The following ZNF358 variants were observed in gnomAD, a reference collection of about 807,000 sequenced individuals.
ZNF358 encodes the protein zinc finger protein 358.
ZNF358 carries 1 observed loss-of-function variant against 2.1 expected under a neutral mutation model. The ratio of observed to expected loss-of-function variants is 0.49; its 90% CI spans 0.17 to 2.30. ZNF358 has a LOEUF of 2.30. Ranked by LOEUF, ZNF358 falls within the 30% of genes most tolerant of loss-of-function variation. ZNF358 has a pLI of 0.26. For missense variants in ZNF358, 665 were observed against 806.8 expected (o/e 0.82, Z 2.13); for synonymous variants, 381 against 359.7 (o/e 1.06, Z -0.67).
intron 1 of ZNF358, among the ~76,000 whole-genome samples, chr19:7,518,079 C>T (rs2022370018): frequency 6.6e-6 from 1 of 152,196 alleles, no homozygotes; most frequent in Non-Finnish European, 1.5e-5. Context: ...CTGTCTCCTC[C>T]ACAGGACCCC....
At position 7,519,595 on chromosome 19, in the gene ZNF358, C is replaced by T. The variant is rs368724368; in HGVS notation, c.353C>T (p.Pro118Leu). The T allele has an allele frequency of 3.1e-5, 50 of 1,599,436 alleles. No individual in the cohort carries two copies. The highest frequency in any genetic ancestry group is 4.1e-5 in the Non-Finnish European group (48 of 1,179,764). ...PNSDTLSPGD[P>L]KVDPISSGLT... ...AGCGACACCCTCAGCCCCGGCGATCCAAAAGTGGACCCCATCTCCTCTGGC... is the reference window on the plus strand; with the variant it reads ...AGCGACACCCTCAGCCCCGGCGATCTAAAAGTGGACCCCATCTCCTCTGGC... The change falls in exon 2 of 2, where the codon CCA (proline) becomes CTA (leucine). Residue 118 changes from proline to leucine, a missense_variant. By Grantham distance (98) the Pro-to-Leu change is moderately conservative. Coordinates refer to ENST00000597229, the MANE Select transcript of ZNF358 (RefSeq NM_018083.5).
At chr19:7,514,815 T>C (rs2022314222), upstream of ZNF358, among the ~76,000 whole-genome samples, 1 of 152,174 alleles carries the variant, frequency 6.6e-6, no homozygotes, top group African/African-American at 2.4e-5. Flanking sequence ...GTATTTTTAG[T>C]AGAGACAGGA....
Position 7,520,063 on chromosome 19 carries a change from A to T in ZNF358, c.821A>T (p.Gln274Leu). The T allele has an allele frequency of 6.4e-7, 1 of 1,572,274 alleles. No homozygotes were observed. Among genetic ancestry groups the T allele is most frequent in the Non-Finnish European group, 8.6e-7 (1 of 1,166,908 alleles). ...CCGGTGTGCGCCAAGGGCTTCGGCC[A>T]GGGCTCTGCGCTGCTCAAACACCTG... ...KCPVCAKGFG[Q>L]GSALLKHLRT... Residue 274 changes from glutamine to leucine, a missense_variant, in exon 2 of 2, where the codon CAG becomes CTG. Around this residue, in one of 3 missense-constraint regions of ZNF358, gnomAD observed 210 missense variants for 350.8 expected, o/e 0.60. Transcript: ENST00000597229. The surrounding 1 kb of genome is among the most constrained non-coding windows in gnomAD (Gnocchi z 6.0).
Position 7,519,487 on chromosome 19 carries a change from C to T in ZNF358, c.245C>T (p.Pro82Leu), listed in dbSNP as rs745892308. ...DPDAEAPGSE[P>L]QDPDPMSSSF... ...GACGCCGAAGCTCCGGGCTCGGAAC[C>T]CCAAGATCCCGACCCCATGTCTTCG... The change falls in exon 2 of 2, where the codon CCC (proline) becomes CTC (leucine). Residue 82 changes from proline (P) to leucine (L), a missense_variant. Pro to Leu is a moderately conservative substitution (Grantham distance 98). Transcript: ENST00000597229. The T allele has an allele frequency of 1.9e-6, 3 of 1,613,416 alleles. No homozygotes were observed. Among genetic ancestry groups the T allele is most frequent in the African/African-American group, 1.3e-5 (1 of 74,954 alleles).
At position 7,519,410 on chromosome 19, in the gene ZNF358, C is replaced by T. The variant is rs2146012769; in HGVS notation, c.168C>T (p.Asp56=). Residue 56 remains aspartate (D), a synonymous_variant, in exon 2 of 2, where the codon GAC becomes GAT. Coordinates refer to ENST00000597229, the MANE Select transcript of ZNF358 (RefSeq NM_018083.5). The part of the protein sequence containing the change: ...DPEDLNTVPE[D]VDPSYEDLEP... The stretch of plus-strand genomic sequence containing the variant: ...AAGACCTCAACACTGTCCCGGAAGA[C>T]GTGGACCCCAGCTATGAAGATCTGG... 2 of 1,614,100 alleles carry T rather than the reference C, an allele frequency of 1.2e-6. No homozygotes were observed. Among genetic ancestry groups the T allele is most frequent in the Non-Finnish European group, 1.7e-6 (2 of 1,180,020 alleles).
At position 7,520,153 on chromosome 19, in the gene ZNF358, C is replaced by T; in HGVS notation, c.911C>T (p.Ser304Leu). The change falls in exon 2 of 2, where the codon TCG (serine) becomes TTG (leucine). Residue 304 changes from serine to leucine, a missense_variant. Ser to Leu is a moderately radical substitution (Grantham distance 145). Transcript: ENST00000597229. This position sits in a 1 kb window ranked among gnomAD's most constrained non-coding sequence, Gnocchi z 6.0. ...TGCGGCAAGGCCTTCGGGCAGAGCTCGGCGCTGCTGCAGCACCAGCGCACA... is the reference window on the plus strand; with the variant it reads ...TGCGGCAAGGCCTTCGGGCAGAGCTTGGCGCTGCTGCAGCACCAGCGCACA... ...PQCGKAFGQS[S>L]ALLQHQRTHT... The T allele has an allele frequency of 1.3e-6, 2 of 1,600,000 alleles. No homozygotes were observed. The highest frequency in any genetic ancestry group is 1.7e-6 in the Non-Finnish European group (2 of 1,178,560).
Position 7,519,449 on chromosome 19 carries a change from G to T in ZNF358, c.207G>T (p.Glu69Asp). 1.2e-6 allele frequency: 2 copies of T among 1,614,148 alleles called. No homozygotes were observed. The highest frequency in any genetic ancestry group is 1.7e-6 in the Non-Finnish European group (2 of 1,180,032). ...PSYEDLEPVSEDLDPDAEAPG... is the reference protein window; with the variant it reads ...PSYEDLEPVSDDLDPDAEAPG... The stretch of plus-strand genomic sequence containing the variant: ...ATGAAGATCTGGAGCCCGTCTCGGA[G>T]GATCTGGACCCCGACGCCGAAGCTC... Residue 69 changes from glutamate (E) to aspartate (D), a missense_variant, in exon 2 of 2, where the codon GAG (glutamate) becomes GAT (aspartate). By Grantham distance (45) the Glu-to-Asp change is conservative (BLOSUM62 2). Around this residue, in one of 3 missense-constraint regions of ZNF358, gnomAD observed 206 missense variants for 228.4 expected, o/e 0.90. Transcript: ENST00000597229.
rs374866641 is a variant in ZNF358 at position 7,519,458 on chromosome 19, C to T, written c.216C>T (p.Asp72=). The change falls in exon 2 of 2, where the codon GAC becomes GAT. Residue 72 remains aspartate, a synonymous_variant. Coordinates refer to ENST00000597229, the MANE Select transcript of ZNF358 (RefSeq NM_018083.5). ...EDLEPVSEDL[D]PDAEAPGSEP... Reference sequence around the variant, plus strand: ...TGGAGCCCGTCTCGGAGGATCTGGACCCCGACGCCGAAGCTCCGGGCTCGG... The same window carrying T: ...TGGAGCCCGTCTCGGAGGATCTGGATCCCGACGCCGAAGCTCCGGGCTCGG... 3.1e-6 allele frequency: 5 copies of T among 1,613,948 alleles called. No individual in the cohort carries two copies. The highest frequency in any genetic ancestry group is 1.3e-5 in the African/African-American group (1 of 74,912).
Position 7,520,385 on chromosome 19 carries a change from G to A in ZNF358, c.1143G>A (p.Gly381=), listed in dbSNP as rs569318964. The A allele has an allele frequency of 1.2e-6, 2 of 1,611,456 alleles. No homozygotes were observed. Among genetic ancestry groups the A allele is most frequent in the East Asian group, 4.5e-5 (2 of 44,768 alleles). ...GERPYRCQLC[G]KAFGQASSLT... ...GTCCCTATCGCTGTCAGCTCTGCGG[G>A]AAGGCCTTCGGCCAGGCCTCCAGCC... The change falls in exon 2 of 2, where the codon GGG becomes GGA. Residue 381 remains glycine (G), a synonymous_variant. Coordinates refer to ENST00000597229, the MANE Select transcript of ZNF358 (RefSeq NM_018083.5). This position sits in a 1 kb window ranked among gnomAD's most constrained non-coding sequence, Gnocchi z 6.0.
chr19:7,520,079 C>G lies in ZNF358; in HGVS notation c.837C>G (p.Leu279=). The change falls in exon 2 of 2, where the codon CTC becomes CTG. Residue 279 remains leucine, a synonymous_variant. Coordinates refer to ENST00000597229, the MANE Select transcript of ZNF358 (RefSeq NM_018083.5). This position sits in a 1 kb window ranked among gnomAD's most constrained non-coding sequence, Gnocchi z 6.0. ...GCTTCGGCCAGGGCTCTGCGCTGCT[C>G]AAACACCTGCGCACGCACACGGGCG... ...AKGFGQGSAL[L]KHLRTHTGER... The G allele has an allele frequency of 1.9e-6, 3 of 1,586,928 alleles. No homozygotes were observed. Among genetic ancestry groups the G allele is most frequent in the Non-Finnish European group, 2.6e-6 (3 of 1,173,700 alleles).
intron 1 of ZNF358, among the ~76,000 whole-genome samples, chr19:7,518,557 G>GAGAGAGAAAGAAAGAAAGAAAA (rs556101041): frequency 1.7e-5 from 2 of 116,066 alleles, no homozygotes; most frequent in Admixed American, 1.8e-4. Context: ...GAGAGAGAGA[G>GAGAGAGAAAGAAAGAAAGAAAA]AGAAAGAAAG....
In ZNF358 at chr19:7,516,257, T is replaced by A. The variant is rs1376493269; in HGVS notation, c.-39+8T>A. 1 of 88,818 alleles carries A rather than the reference T, an allele frequency of 1.1e-5. No individual in the cohort carries two copies. The highest frequency in any genetic ancestry group is 2.2e-5 in the Non-Finnish European group (1 of 45,630). 5.5% of individuals were successfully genotyped at this position (88,818 alleles called of 1,614,324 possible). ...AGGGGCGAGGGGCGCCGGGTGAGTG[T>A]CCCTGCGAGCGGGCTGGGGCCGGGG... On this transcript the variant is annotated splice_region_variant and intron_variant, in intron 1 of 1. Transcript: ENST00000597229. The surrounding 1 kb of genome is among the most constrained non-coding windows in gnomAD (Gnocchi z 5.9).
At chr19:7,519,145 A>G in intron 1 of ZNF358, 60 bp from the exon 2 acceptor site, 5 of 1,507,440 alleles carry the variant, frequency 3.3e-6, no homozygotes, top group Non-Finnish European at 4.4e-6. Context: ...CAGACTCCAA[A>G]AGACACCCCC....
At chr19:7,517,374 T>C (rs2022358455) in intron 1 of ZNF358, among the ~76,000 whole-genome samples, 1 of 152,110 alleles carries the variant, frequency 6.6e-6, no homozygotes, top group African/African-American at 2.4e-5. Flanking sequence ...CCAGGTATTA[T>C]TTTTGCCTAT....
In ZNF358 at chr19:7,519,853, C is replaced by T; in HGVS notation, c.611C>T (p.Ala204Val). Residue 204 changes from alanine to valine, a missense_variant, in exon 2 of 2, where the codon GCG (alanine) becomes GTG (valine). Physicochemically the swap from Ala to Val is moderately conservative, Grantham distance 64. Coordinates refer to ENST00000597229, the MANE Select transcript of ZNF358 (RefSeq NM_018083.5). ...CAGCACCGTGGCATCCACACTGGGG[C>T]GCGGCCGTACCAGTGCGCGGCCTGC... ...LAQHRGIHTG[A>V]RPYQCAACGK... 1 of 1,531,114 alleles carries T rather than the reference C, an allele frequency of 6.5e-7. No homozygotes were observed. Among genetic ancestry groups the T allele is most frequent in the Non-Finnish European group, 8.7e-7 (1 of 1,145,242 alleles). 94.8% of individuals were successfully genotyped at this position (1,531,114 alleles called of 1,614,324 possible).
rs778744101 is a variant in ZNF358 at position 7,519,198 on chromosome 19, C to G, written c.-38-7C>G. ...CTACCCTCTACCCTCTATCCTTGCC[C>G]TTGCAGGTCTTGCCCCAGAAGCTGC... On this transcript the variant is annotated splice_region_variant and splice_polypyrimidine_tract_variant and intron_variant, in intron 1 of 1. Transcript: ENST00000597229. 6.3e-7 allele frequency: 1 copy of G among 1,589,916 alleles called. No individual in the cohort carries two copies. Among genetic ancestry groups the G allele is most frequent in the Non-Finnish European group, 8.6e-7 (1 of 1,169,068 alleles).
At chr19:7,516,047 G>C (rs1436525274), upstream of ZNF358, 1 of 148,704 alleles carries the variant, frequency 6.7e-6, no homozygotes, top group African/African-American at 2.5e-5. The surrounding 1 kb of genome is among the most constrained non-coding windows in gnomAD (Gnocchi z 5.9). Flanking sequence ...CGACGGCCGC[G>C]GCGGGCGCGG....
rs1372754236 is a variant in ZNF358 at position 7,520,007 on chromosome 19, C to T, written c.765C>T (p.Arg255=). ...GHGSLLAQHL[R]THGGPRPHKC... ...GCTCGCTCCTGGCACAGCACCTGCG[C>T]ACGCACGGCGGCCCGCGGCCCCACA... The change falls in exon 2 of 2, where the codon CGC becomes CGT. Residue 255 remains arginine, a synonymous_variant. Coordinates refer to ENST00000597229, the MANE Select transcript of ZNF358 (RefSeq NM_018083.5). This position sits in a 1 kb window ranked among gnomAD's most constrained non-coding sequence, Gnocchi z 6.0. 4 of 1,526,608 alleles carry T rather than the reference C, an allele frequency of 2.6e-6. No individual in the cohort carries two copies. The highest frequency in any genetic ancestry group is 2.5e-5 in the East Asian group (1 of 40,590). 94.6% of individuals were successfully genotyped at this position (1,526,608 alleles called of 1,614,324 possible). A position where few individuals can be genotyped will look rare whatever the true frequency, so the allele number is the denominator to read the frequency against.
chr19:7,520,037 C>G lies in ZNF358; in HGVS notation c.795C>G (p.Cys265Trp). 1 of 1,545,172 alleles carries G rather than the reference C, an allele frequency of 6.5e-7. No homozygotes were observed. Among genetic ancestry groups the G allele is most frequent in the Non-Finnish European group, 8.7e-7 (1 of 1,152,960 alleles). The change falls in exon 2 of 2, where the codon TGC (cysteine) becomes TGG (tryptophan). Residue 265 changes from cysteine (C) to tryptophan (W), a missense_variant. Cys to Trp is a radical substitution (Grantham distance 215). This residue lies in a region of ZNF358 where 210 missense variants were observed against 350.8 expected (regional missense o/e 0.60). Coordinates refer to ENST00000597229, the MANE Select transcript of ZNF358 (RefSeq NM_018083.5). The surrounding 1 kb of genome is among the most constrained non-coding windows in gnomAD (Gnocchi z 6.0). Reference protein sequence around the residue: ...RTHGGPRPHKCPVCAKGFGQG... With the variant: ...RTHGGPRPHKWPVCAKGFGQG... Reference sequence around the variant, plus strand: ...ACGGCGGCCCGCGGCCCCACAAGTGCCCGGTGTGCGCCAAGGGCTTCGGCC... The same window carrying G: ...ACGGCGGCCCGCGGCCCCACAAGTGGCCGGTGTGCGCCAAGGGCTTCGGCC...
Sources: allele counts gnomAD v4.1 joint callset (sites outside exome capture counted in the v4.1 genomes callset), GRCh38; gene constraint gnomAD v4.1.1; regional missense constraint gnomAD v4.1.1; non-coding constraint Gnocchi (gnomAD v3.1); transcripts MANE v1.5; gene names NCBI Gene and HGNC (gene_info 2026-07-23, HGNC 2026-07-21).